The following KLHL1 variants were observed in gnomAD, a reference collection of about 807,000 sequenced individuals.
The protein encoded by KLHL1 is kelch like family member 1.
A neutral mutation model predicts 77.7 loss-of-function variants in KLHL1; 47 were observed. The ratio of observed to expected loss-of-function variants is 0.60; its 90% CI spans 0.48 to 0.77. The LOEUF (loss-of-function observed/expected upper bound fraction) is 0.77, where lower values mean the gene tolerates loss of function less well. KLHL1 is among the 30% of genes least tolerant of loss of function. The pLI is 0.00. For missense variants in KLHL1, 925 were observed against 910.8 expected, an observed-to-expected ratio of 1.02 and a Z score of -0.20; for synonymous variants, 360 against 325.2, an observed-to-expected ratio of 1.11 and a Z score of -1.15.
chr13:69,860,659 AAT>A (rs1880113899), intron 5 of KLHL1, among the ~76,000 whole-genome samples: 1 of 151,820 alleles, frequency 6.6e-6, no homozygotes, highest in Non-Finnish European at 1.5e-5. Context: ...ATTATATTAA[AAT>A]GAGATCAAAT....
Position 69,756,202 on chromosome 13 carries a change from T to G in KLHL1, c.1640-15646A>C, listed in dbSNP as rs1455061400. Among the ~76,000 whole-genome samples the G allele has an allele frequency of 2.0e-5, 3 of 152,122 alleles. No individual in the cohort carries two copies. The East Asian group carries it at 5.8e-4, about 29-fold the overall frequency. On this transcript the variant is annotated intron_variant, in intron 7 of 10. Transcript: ENST00000377844. ...TTGTCACACCCTTACTCCAAGACCA[T>G]AATATCTACATATGTTGAGGTTGGA...
chr13:70,001,258 C>T (rs1411728348), intron 1 of KLHL1, among the ~76,000 whole-genome samples: 2 of 150,778 alleles, frequency 1.3e-5, no homozygotes, highest in Non-Finnish European at 3.0e-5. Flanking sequence ...AAAATGTAGT[C>T]AAATATTTAC....
chr13:69,724,498 G>A (rs1873211411), intron 8 of KLHL1, among the ~76,000 whole-genome samples: 1 of 152,094 alleles, frequency 6.6e-6, no homozygotes, highest in South Asian at 2.1e-4. Flanking sequence ...ACTCTGTGAG[G>A]TCAGCATTGC....
intron 4 of KLHL1, among the ~76,000 whole-genome samples, chr13:69,923,814 G>A (rs1415363257): frequency 9.9e-5 from 15 of 152,078 alleles, no homozygotes; most frequent in Non-Finnish European, 4.4e-5. Flanking sequence ...CTTCTGAGTT[G>A]GCAGGGCAGG....
rs1290786295 is a variant in KLHL1, at chr13:69,780,716, GTA to G, written c.1639+16020_1639+16021del. Among the ~76,000 whole-genome samples, 18 of 47,694 alleles carry G rather than the reference GTA, an allele frequency of 3.8e-4. 1 individual carries two copies. The highest frequency in any genetic ancestry group is 1.4e-3 in the Admixed American group (6 of 4,314). The allele number at this position is 47,694 out of a possible 152,430, so 31.3% of individuals were successfully genotyped here. On this transcript the variant is annotated intron_variant, in intron 7 of 10. Transcript: ENST00000377844. ...TATATATATATGTATATATATATATGTATATATATATATATACATATATATAT... is the reference window on the plus strand; with the variant it reads ...TATATATATATGTATATATATATATGTATATATATATATACATATATATAT...
chr13:70,021,836 GT>G (rs1272334547), intron 1 of KLHL1, among the ~76,000 whole-genome samples: 1 of 151,810 alleles, frequency 6.6e-6, no homozygotes, highest in Non-Finnish European at 1.5e-5. Context: ...ATTGGTTTTT[GT>G]TTTGTTTTGT....
chr13:69,738,586 C>T (rs541177575), intron 8 of KLHL1, among the ~76,000 whole-genome samples: 2 of 152,078 alleles, frequency 1.3e-5, no homozygotes, highest in East Asian at 1.9e-4. Context: ...TCAGTCACAA[C>T]AGAACTTTAC....
intron 5 of KLHL1, among the ~76,000 whole-genome samples, chr13:69,842,014 C>T (rs9634964): frequency 6.6e-6 from 1 of 151,916 alleles, no homozygotes; most frequent in African/African-American, 2.4e-5. Flanking sequence ...AGACTCCTAT[C>T]TGTCACCATA....
intron 3 of KLHL1, among the ~76,000 whole-genome samples, chr13:69,958,088 T>G (rs1189721704): frequency 1.3e-5 from 2 of 151,794 alleles, no homozygotes; most frequent in Non-Finnish European, 2.9e-5. Context: ...TTAAATTCTT[T>G]TGTCACAAAG....
At chr13:69,719,183 CGT>C (rs761517378) in intron 9 of KLHL1, among the ~76,000 whole-genome samples, 184 bp downstream of exon 9, 17 of 103,882 alleles carry the variant, frequency 1.6e-4, no homozygotes, top group Non-Finnish European at 2.0e-4. Flanking sequence ...AAAGAAAGTA[CGT>C]GTGTGTGTGT....
chr13:70,039,732 T>C lies in KLHL1; in HGVS notation c.498-63930A>G, dbSNP rs191405311. 9.8e-3 allele frequency among the ~76,000 whole-genome samples: 1,472 copies of C among 150,452 alleles called. 42 individuals carry two copies. Among genetic ancestry groups the C allele is most frequent in the African/African-American group, 0.034 (1,392 of 40,860 alleles). On this transcript the variant is annotated intron_variant, in intron 1 of 10. Transcript: ENST00000377844. ...TCTGCTCACTGCAACCTCTGCCTCC[T>C]GGACTCAAGAGATTCTCAAGCCTCA...
intron 1 of KLHL1, among the ~76,000 whole-genome samples, chr13:69,978,438 C>T (rs1427788752): frequency 6.6e-6 from 1 of 151,152 alleles, no homozygotes; most frequent in Non-Finnish European, 1.5e-5. Context: ...GCTCTACATA[C>T]GTCCTTATAT....
intron 1 of KLHL1, among the ~76,000 whole-genome samples, chr13:70,071,224 A>T (rs1169167393): frequency 2.0e-5 from 3 of 152,092 alleles, no homozygotes; most frequent in African/African-American, 7.3e-5. Flanking sequence ...TGGAGTAGCT[A>T]TATTACTTTC....
chr13:69,786,892 A>G (rs568364094), intron 7 of KLHL1, among the ~76,000 whole-genome samples: 10 of 152,272 alleles, frequency 6.6e-5, no homozygotes, highest in Admixed American at 5.2e-4. Context: ...TCATGAGGGA[A>G]CTCCCATTCA....
At chr13:69,772,239 G>A (rs1482534906) in intron 7 of KLHL1, among the ~76,000 whole-genome samples, 1 of 151,444 alleles carries the variant, frequency 6.6e-6, no homozygotes, top group African/African-American at 2.4e-5. Context: ...CCAAAGGTAT[G>A]GTATATCTAT....
chr13:70,055,937 T>C (rs1455143374), intron 1 of KLHL1, among the ~76,000 whole-genome samples: 1 of 151,226 alleles, frequency 6.6e-6, no homozygotes, highest in Non-Finnish European at 1.5e-5. Flanking sequence ...AGAAAACAAA[T>C]AACAAAACAA....
chr13:69,832,938 T>C (rs1468440867), intron 6 of KLHL1, among the ~76,000 whole-genome samples: 2 of 152,154 alleles, frequency 1.3e-5, no homozygotes, highest in Admixed American at 6.6e-5. Context: ...TCTCACTTTA[T>C]ACAAAAATCA....
At chr13:69,922,593 ATGT>A (rs1882679388) in intron 4 of KLHL1, among the ~76,000 whole-genome samples, 1 of 152,174 alleles carries the variant, frequency 6.6e-6, no homozygotes, top group African/African-American at 2.4e-5. Context: ...AAATAATAAA[ATGT>A]TATTTCATTT....
chr13:69,733,384 C>G (rs1260723134), intron 8 of KLHL1, among the ~76,000 whole-genome samples: 1 of 151,890 alleles, frequency 6.6e-6, no homozygotes, highest in African/African-American at 2.4e-5. Context: ...CAGGAAAGTC[C>G]CTTTCAGACA....
Sources: gnomAD v4.1 joint callset for allele counts (sites outside exome capture counted in the v4.1 genomes callset) on GRCh38, gnomAD v4.1.1 for gene constraint, MANE v1.5 for transcripts, NCBI Gene and HGNC (gene_info 2026-07-23, HGNC 2026-07-21) for gene names.